The following SMG6 variants were observed in gnomAD, a reference collection of about 807,000 sequenced individuals.
SMG6 encodes the protein telomerase-binding protein EST1A.
SMG6 carries 66 observed loss-of-function variants against 142.2 expected under a neutral mutation model. That is an observed-to-expected ratio of 0.46 (90% CI 0.38 to 0.57). The LOEUF (loss-of-function observed/expected upper bound fraction) is 0.57, where lower values mean the gene tolerates loss of function less well. Among genes scored for constraint, SMG6 ranks in the 20% least tolerant of loss-of-function variants. SMG6 has a pLI of 0.00. For synonymous variants in SMG6, 779 were observed against 702.4 expected (o/e 1.11, Z -1.72); for missense variants, 1,793 against 1,832.0 (o/e 0.98, Z 0.39).
chr17:2,100,366 T>C (rs1199785799), intron 13 of SMG6, among the ~76,000 whole-genome samples: 1 of 152,120 alleles, frequency 6.6e-6, no homozygotes, highest in Non-Finnish European at 1.5e-5. Flanking sequence ...AGAGATGGGT[T>C]TTCACCACAT....
At chr17:2,256,997 A>G (rs746714571) in intron 8 of SMG6, among the ~76,000 whole-genome samples, 1 of 151,762 alleles carries the variant, frequency 6.6e-6, no homozygotes, top group African/African-American at 2.4e-5. Context: ...TTATTTTGAG[A>G]CGGAGTCTCA....
chr17:2,105,875 T>C (rs1216929375), intron 13 of SMG6, among the ~76,000 whole-genome samples: 1 of 152,196 alleles, frequency 6.6e-6, no homozygotes, highest in Non-Finnish European at 1.5e-5. Context: ...GTGGGTAACC[T>C]CTGAAAGTTG....
At chr17:2,212,604 G>C (rs1009849830) in intron 10 of SMG6, 13 of 152,122 alleles carry the variant, frequency 8.5e-5, no homozygotes, top group Admixed American at 7.9e-4. Context: ...GAGAAAACAA[G>C]GACTACTAAC....
At chr17:2,087,449 T>C (rs2068595282) in intron 13 of SMG6, 1 of 1,111,824 alleles carries the variant, frequency 9.0e-7, no homozygotes, top group Non-Finnish European at 1.1e-6. Context: ...CTAGGAGTGT[T>C]CTCTGCTTTC....
rs1264637556 is a variant in SMG6 at position 2,238,620 on chromosome 17, C to T, written c.2724-1983G>A. On this transcript the variant is annotated intron_variant, in intron 9 of 18. Coordinates refer to ENST00000263073, the MANE Select transcript of SMG6 (RefSeq NM_017575.5). ...GGCAAGTTTCAGAGCCATGTGTCTCCGTGTTGAAAGGCAGTAGAGAGCCAG... is the reference window on the plus strand; with the variant it reads ...GGCAAGTTTCAGAGCCATGTGTCTCTGTGTTGAAAGGCAGTAGAGAGCCAG... Among the ~76,000 whole-genome samples, 3 of 152,156 alleles carry T rather than the reference C, an allele frequency of 2.0e-5. No homozygotes were observed. The East Asian group carries it at 5.8e-4, about 29-fold the overall frequency.
intron 13 of SMG6, among the ~76,000 whole-genome samples, chr17:2,146,846 G>T (rs893793179): frequency 6.6e-6 from 1 of 152,168 alleles, no homozygotes; most frequent in Admixed American, 6.5e-5. Flanking sequence ...GATTACACGT[G>T]TGAGCCACCA....
intron 13 of SMG6, among the ~76,000 whole-genome samples, chr17:2,134,523 G>T (rs1277757926): frequency 6.7e-6 from 1 of 148,440 alleles, no homozygotes; most frequent in African/African-American, 2.5e-5. Context: ...AAATGCTGAT[G>T]TAAGTTTTAT....
chr17:2,232,126 C>G (rs1035872630), intron 10 of SMG6, among the ~76,000 whole-genome samples: 1 of 151,464 alleles, frequency 6.6e-6, no homozygotes, highest in Non-Finnish European at 1.5e-5. Flanking sequence ...CAGATTGGAA[C>G]AAATTGGGCA....
chr17:2,120,638 G>A (rs1397560111), intron 13 of SMG6, among the ~76,000 whole-genome samples: 2 of 152,190 alleles, frequency 1.3e-5, no homozygotes, highest in Non-Finnish European at 2.9e-5. Context: ...CAGGAGGATT[G>A]CCCGAACCCA....
chr17:2,103,770 T>C (rs994965350), intron 13 of SMG6, among the ~76,000 whole-genome samples: 1 of 152,132 alleles, frequency 6.6e-6, no homozygotes, highest in Non-Finnish European at 1.5e-5. Context: ...GTGAGCCCTA[T>C]AGGAGACTGA....
At chr17:2,228,550 G>A (rs2073382003) in intron 10 of SMG6, among the ~76,000 whole-genome samples, 1 of 150,706 alleles carries the variant, frequency 6.6e-6, no homozygotes, top group South Asian at 2.1e-4. Context: ...TTTAATGGAG[G>A]CAAGGTTTCC....
intron 8 of SMG6, among the ~76,000 whole-genome samples, chr17:2,273,744 C>T (rs374555307): frequency 7.9e-5 from 12 of 151,974 alleles, no homozygotes; most frequent in African/African-American, 2.7e-4. Context: ...TTGCAGTGAG[C>T]AGAGATCGCG....
intron 8 of SMG6, chr17:2,255,817 CTT>C: frequency 4.4e-6 from 1 of 227,300 alleles, no homozygotes; most frequent in South Asian, 5.4e-5. Flanking sequence ...ACATGGGAGA[CTT>C]TTCATTTTGT....
chr17:2,248,294 A>G (rs2073967353), intron 8 of SMG6, among the ~76,000 whole-genome samples: 1 of 152,084 alleles, frequency 6.6e-6, no homozygotes, highest in Admixed American at 6.6e-5. Flanking sequence ...CGGGGAAAAG[A>G]ACTGGTGAGC....
chr17:2,105,227 TA>T lies in SMG6; in HGVS notation c.3358-19327del, dbSNP rs553948750. ...CAGGCGTGAGCCACTGCACTCAGCC[TA>T]CTTCAAGTCTTTCTCACTTAAAAAA... On this transcript the variant is annotated intron_variant, in intron 13 of 18. Coordinates refer to ENST00000263073, the MANE Select transcript of SMG6 (RefSeq NM_017575.5). 2.6e-3 allele frequency among the ~76,000 whole-genome samples: 389 copies of T among 148,634 alleles called. 1 individual carries two copies. Among genetic ancestry groups the T allele is most frequent in the Non-Finnish European group, 4.1e-3 (279 of 67,402 alleles).
chr17:2,264,876 T>G (rs1365834756), intron 8 of SMG6, among the ~76,000 whole-genome samples: 1 of 150,750 alleles, frequency 6.6e-6, no homozygotes, highest in African/African-American at 2.4e-5. Context: ...CATTCCAGCC[T>G]GGGTGACAGA....
In SMG6 at chr17:2,279,090, G is replaced by A. The variant is rs553509121; in HGVS notation, c.2661+3557C>T. On this transcript the variant is annotated intron_variant, in intron 8 of 18. Transcript: ENST00000263073. ...ACTTAAAAGCACTTAAACCAGAAAT[G>A]TGGTTATTACAAAGGCGAAATGGCC... Among the ~76,000 whole-genome samples the A allele has an allele frequency of 2.6e-5, 4 of 152,292 alleles. No individual in the cohort carries two copies. The South Asian group carries it at 8.3e-4, about 32-fold the overall frequency.
intron 13 of SMG6, among the ~76,000 whole-genome samples, chr17:2,157,985 CAT>C (rs1174006734): frequency 6.6e-6 from 1 of 152,106 alleles, no homozygotes; most frequent in Non-Finnish European, 1.5e-5. Flanking sequence ...GAGTGGGACA[CAT>C]AAATGTTTGA....
chr17:2,156,089 T>A (rs539164739), intron 13 of SMG6, among the ~76,000 whole-genome samples: 2 of 147,824 alleles, frequency 1.4e-5, no homozygotes, highest in East Asian at 3.9e-4. Context: ...TCAGGGGCAC[T>A]CAGATTAGAT....
Sources: allele counts gnomAD v4.1 joint callset (sites outside exome capture counted in the v4.1 genomes callset), GRCh38; gene constraint gnomAD v4.1.1; transcripts MANE v1.5; gene names NCBI Gene and HGNC (gene_info 2026-07-23, HGNC 2026-07-21).